The following MYCBP2 variants were observed in gnomAD, a reference collection of about 807,000 sequenced individuals.
MYCBP2 encodes E3 ubiquitin-protein ligase MYCBP2.
MYCBP2 carries 120 observed loss-of-function variants against 525.3 expected under a neutral mutation model. That is an observed-to-expected ratio of 0.23 (90% CI 0.20 to 0.27). The LOEUF (loss-of-function observed/expected upper bound fraction) is 0.27, where lower values mean the gene tolerates loss of function less well. MYCBP2 is among the 10% of genes least tolerant of loss of function. The pLI is 1.00. For synonymous variants in MYCBP2, 1,894 were observed against 1,955.8 expected (o/e 0.97, Z 0.83); for missense variants, 4,149 against 5,657.1 (o/e 0.73, Z 8.55).
intron 61 of MYCBP2, among the ~76,000 whole-genome samples, chr13:77,088,422 C>T (rs952707105): frequency 6.6e-6 from 1 of 152,042 alleles, no homozygotes; most frequent in African/African-American, 2.4e-5. Context: ...CTGTAATATA[C>T]AGTAATCCTA....
Position 77,224,523 on chromosome 13 carries a change from A to G in MYCBP2, c.2867T>C (p.Met956Thr), listed in dbSNP as rs1241472524. The change falls in exon 20 of 83, where the codon ATG (methionine) becomes ACG (threonine). Residue 956 changes from methionine to threonine, a missense_variant. Physicochemically the swap from Met to Thr is moderately conservative, Grantham distance 81 (BLOSUM62 -1). This residue lies in a region of MYCBP2 where 620 missense variants were observed against 795.5 expected (regional missense o/e 0.78). Transcript: ENST00000544440. The stretch of plus-strand genomic sequence containing the variant: ...AAATGTATAGACATCTCCATTTTCC[A>G]TTAAAACCACTGCAACCAAAACACA... ...SCGFHHSVVL[M>T]ENGDVYTFGY... 6.2e-7 allele frequency: 1 copy of G among 1,605,176 alleles called. No homozygotes were observed. Among genetic ancestry groups the G allele is most frequent in the Non-Finnish European group, 8.5e-7 (1 of 1,174,704 alleles).
intron 1 of MYCBP2, among the ~76,000 whole-genome samples, chr13:77,318,852 A>C (rs1178672691): frequency 6.6e-6 from 1 of 152,178 alleles, no homozygotes; most frequent in East Asian, 1.9e-4. Context: ...CAGACTGAAC[A>C]TGCCACCCTC....
In MYCBP2 at chr13:77,098,655, G is replaced by C; in HGVS notation, c.8499C>G (p.Ser2833Arg). 1 of 1,613,610 alleles carries C rather than the reference G, an allele frequency of 6.2e-7. No homozygotes were observed. Among genetic ancestry groups the C allele is most frequent in the Non-Finnish European group, 8.5e-7 (1 of 1,179,768 alleles). The stretch of plus-strand genomic sequence containing the variant: ...AGCGTGGAGAACTAGCACCCGATGG[G>C]CTAGACCTATTGGCTGGGAGAGTCT... ...KPKTLPANRS[S>R]PSGASSPRSS... is the part of the protein sequence containing the mutation. The change falls in exon 56 of 83, where the codon AGC becomes AGG. Residue 2833 changes from serine to arginine, a missense_variant. Transcript: ENST00000544440.
At chr13:77,174,240 T>C in intron 37 of MYCBP2, 71 bp downstream of exon 37, 2 of 1,444,448 alleles carry the variant, frequency 1.4e-6, no homozygotes, top group Non-Finnish European at 1.9e-6. Context: ...AGTTAGCAAT[T>C]TTACCTGGTA....
chr13:77,192,828 A>C (rs970119275), intron 27 of MYCBP2, among the ~76,000 whole-genome samples: 2 of 152,146 alleles, frequency 1.3e-5, no homozygotes, highest in Non-Finnish European at 2.9e-5. Flanking sequence ...TCAAACTCAT[A>C]TGGTCAAAAA....
Position 77,161,896 on chromosome 13 carries a change from G to C in MYCBP2, c.6597+10C>G. On this transcript the variant is annotated intron_variant, in intron 44 of 82. Transcript: ENST00000544440. Reference sequence around the variant, plus strand: ...TACAAAGTTTATCCTTAAAACATTTGGGACAATACCTGCAATGCAGCCTCC... The same window carrying C: ...TACAAAGTTTATCCTTAAAACATTTCGGACAATACCTGCAATGCAGCCTCC... 1.3e-6 allele frequency: 2 copies of C among 1,598,804 alleles called. No homozygotes were observed. Among genetic ancestry groups the C allele is most frequent in the South Asian group, 2.3e-5 (2 of 88,868 alleles).
intron 82 of MYCBP2, among the ~76,000 whole-genome samples, chr13:77,048,362 A>G (rs1482788213): frequency 6.6e-6 from 1 of 152,188 alleles, no homozygotes; most frequent in African/African-American, 2.4e-5. Flanking sequence ...TAAGCTACCC[A>G]GTTTACAGTA....
chr13:77,186,553 CTA>C (rs1566853826), intron 30 of MYCBP2, among the ~76,000 whole-genome samples: 1 of 151,992 alleles, frequency 6.6e-6, no homozygotes, highest in East Asian at 1.9e-4. Context: ...GCAATACAAA[CTA>C]CAGTCAATTT....
chr13:77,321,078 A>G (rs1425047620), intron 1 of MYCBP2, among the ~76,000 whole-genome samples: 1 of 152,230 alleles, frequency 6.6e-6, no homozygotes, highest in African/African-American at 2.4e-5. Flanking sequence ...GATGAATTTT[A>G]TTGTATATAA....
rs150131264 is a variant in MYCBP2 at position 77,208,997 on chromosome 13, T to C, written c.3416+2170A>G. 2.6e-5 allele frequency among the ~76,000 whole-genome samples: 4 copies of C among 152,304 alleles called. No homozygotes were observed. In the East Asian group the frequency reaches 7.7e-4, roughly 29 times the overall value. On this transcript the variant is annotated intron_variant, in intron 23 of 82. Transcript: ENST00000544440. ...AATATTGGATGTGCAATGCATATGA[T>C]AATTATAAAATTTAAGTGCCCCATT...
intron 2 of MYCBP2, among the ~76,000 whole-genome samples, chr13:77,292,481 TACA>T (rs529720870): frequency 8.6e-5 from 13 of 151,388 alleles, no homozygotes; most frequent in East Asian, 1.9e-4. Flanking sequence ...ACTATTGATA[TACA>T]ACAACATTAA....
At chr13:77,218,617 G>A (rs933759876) in intron 20 of MYCBP2, among the ~76,000 whole-genome samples, 5 of 152,152 alleles carry the variant, frequency 3.3e-5, no homozygotes, top group African/African-American at 1.2e-4. Context: ...AACAAACGGT[G>A]TCTACCCCCA....
At chr13:77,201,251 T>G (rs991666744) in intron 26 of MYCBP2, among the ~76,000 whole-genome samples, 12 of 148,748 alleles carry the variant, frequency 8.1e-5, no homozygotes, top group South Asian at 2.2e-4. Flanking sequence ...TCCTAGTCTC[T>G]GATAAAACAG....
At chr13:77,257,584 G>A (rs533883425) in intron 14 of MYCBP2, 87 bp downstream of exon 14, 1 of 1,306,494 alleles carries the variant, frequency 7.7e-7, no homozygotes, top group South Asian at 2.1e-5. Context: ...CACTCATTTT[G>A]AAAAGAACAA....
intron 80 of MYCBP2, among the ~76,000 whole-genome samples, chr13:77,055,098 G>A (rs2037649200): frequency 6.6e-6 from 1 of 151,366 alleles, no homozygotes; most frequent in Non-Finnish European, 1.5e-5. Context: ...GGCAAGAATG[G>A]AGCTCTAGGA....
chr13:77,289,328 AT>A (rs1223545581), intron 2 of MYCBP2, among the ~76,000 whole-genome samples: 1 of 152,194 alleles, frequency 6.6e-6, no homozygotes, highest in Non-Finnish European at 1.5e-5. Flanking sequence ...TATTACAAGT[AT>A]TAGCTATTCA....
chr13:77,112,866 C>T (rs2049066698), intron 55 of MYCBP2, among the ~76,000 whole-genome samples: 1 of 152,046 alleles, frequency 6.6e-6, no homozygotes, highest in Non-Finnish European at 1.5e-5. Context: ...TTTCCATTAA[C>T]AAACAAAATA....
intron 17 of MYCBP2, among the ~76,000 whole-genome samples, chr13:77,242,740 A>C (rs1166845119): frequency 6.6e-6 from 1 of 152,228 alleles, no homozygotes; most frequent in Non-Finnish European, 1.5e-5. Flanking sequence ...GAGAATATCT[A>C]TTTTTAAAAA....
intron 53 of MYCBP2, 125 bp downstream of exon 53, chr13:77,126,193 T>C: frequency 1.4e-6 from 1 of 701,462 alleles, no homozygotes; most frequent in South Asian, 2.2e-5. Flanking sequence ...GCAATACAAG[T>C]AAAGATAAAA....
Sources: gnomAD v4.1 joint callset for allele counts (sites outside exome capture counted in the v4.1 genomes callset) on GRCh38, gnomAD v4.1.1 for gene constraint, gnomAD v4.1.1 regional missense constraint, MANE v1.5 for transcripts, NCBI Gene and HGNC (gene_info 2026-07-23, HGNC 2026-07-21) for gene names.